CNTN4: variants seen among roughly 807,000 people sequenced by gnomAD.
The protein encoded by CNTN4 is contactin 4.
Under a neutral mutation model 122.5 loss-of-function variants are expected in CNTN4, and 77 were observed. The observed-to-expected ratio is 0.63, with a 90% confidence interval of 0.52 to 0.76. The LOEUF (loss-of-function observed/expected upper bound fraction) is 0.76, where lower values mean the gene tolerates loss of function less well. Ranked by LOEUF, CNTN4 falls within the 30% of genes least tolerant of loss-of-function variation. The pLI is 0.00. For missense variants in CNTN4, 1,256 were observed against 1,259.1 expected, an observed-to-expected ratio of 1.00 and a Z score of 0.04; for synonymous variants, 512 against 447.0, an observed-to-expected ratio of 1.15 and a Z score of -1.83.
Position 2,900,826 on chromosome 3 carries a change from G to A in CNTN4, c.1077+5G>A, listed in dbSNP as rs2094164817. 6.2e-7 allele frequency: 1 copy of A among 1,613,680 alleles called. No individual in the cohort carries two copies. The highest frequency in any genetic ancestry group is 1.3e-5 in the African/African-American group (1 of 74,918). The stretch of plus-strand genomic sequence containing the variant: ...GGCGAACCTCTGCTAACTCGGGTAA[G>A]CAAGTTAATGGTAATTGTGCCTTAG... On this transcript the variant is annotated splice_donor_5th_base_variant and intron_variant, in intron 11 of 24. Transcript: ENST00000418658.
intron 3 of CNTN4, among the ~76,000 whole-genome samples, chr3:2,452,673 C>A (rs1269448672): frequency 2.0e-5 from 3 of 152,146 alleles, no homozygotes; most frequent in South Asian, 2.1e-4. Context: ...GGCTTCTACC[C>A]TTTCGGAATC....
At chr3:2,328,631 C>T (rs934340389) in intron 2 of CNTN4, among the ~76,000 whole-genome samples, 29 of 150,920 alleles carry the variant, frequency 1.9e-4, no homozygotes, top group African/African-American at 6.1e-4. Flanking sequence ...TCCACATCTG[C>T]GGATTCAACC....
At chr3:2,231,805 C>T (rs539212517) in intron 2 of CNTN4, among the ~76,000 whole-genome samples, 5 of 152,208 alleles carry the variant, frequency 3.3e-5, no homozygotes, top group African/African-American at 7.2e-5. Context: ...TTGAAGTACT[C>T]TTCAATTTAT....
At chr3:2,386,994 A>G (rs1218451365) in intron 3 of CNTN4, among the ~76,000 whole-genome samples, 1 of 152,196 alleles carries the variant, frequency 6.6e-6, no homozygotes, top group Non-Finnish European at 1.5e-5. Flanking sequence ...CTTCAGGAAG[A>G]CTACCTAAAG....
At chr3:2,141,200 C>G (rs2034977040) in intron 2 of CNTN4, among the ~76,000 whole-genome samples, 1 of 152,130 alleles carries the variant, frequency 6.6e-6, no homozygotes, top group Non-Finnish European at 1.5e-5. Flanking sequence ...TCTCTAGAAC[C>G]TCTGAATATG....
At chr3:3,001,601 C>G (rs1033754578) in intron 14 of CNTN4, among the ~76,000 whole-genome samples, 1 of 152,154 alleles carries the variant, frequency 6.6e-6, no homozygotes, top group Non-Finnish European at 1.5e-5. Flanking sequence ...TGACCCCAGA[C>G]CTAATTATTC....
chr3:2,458,411 C>A (rs933202498), intron 3 of CNTN4, among the ~76,000 whole-genome samples: 1 of 152,010 alleles, frequency 6.6e-6, no homozygotes, highest in African/African-American at 2.4e-5. Flanking sequence ...TTACTTGTAT[C>A]TTTTTAAATA....
At chr3:2,504,656 T>C (rs1048151071) in intron 3 of CNTN4, among the ~76,000 whole-genome samples, 46 of 152,080 alleles carry the variant, frequency 3.0e-4, no homozygotes, top group African/African-American at 8.7e-4. Flanking sequence ...CAAATATTAT[T>C]GACAAGTTAC....
chr3:2,527,771 T>C (rs1273772060), intron 3 of CNTN4, among the ~76,000 whole-genome samples: 2 of 152,140 alleles, frequency 1.3e-5, no homozygotes, highest in Admixed American at 6.6e-5. Flanking sequence ...CTAGATGTCT[T>C]TCAGCCTTGC....
chr3:2,187,554 G>C (rs949243573), intron 2 of CNTN4, among the ~76,000 whole-genome samples: 1 of 152,132 alleles, frequency 6.6e-6, no homozygotes, highest in Non-Finnish European at 1.5e-5. Context: ...ATCAGCTGTT[G>C]TGTAACTTAT....
At chr3:2,906,240 G>C (rs887272664) in intron 12 of CNTN4, among the ~76,000 whole-genome samples, 2 of 151,974 alleles carry the variant, frequency 1.3e-5, no homozygotes, top group Admixed American at 1.3e-4. Context: ...CAGTTAGATG[G>C]GACAAATACA....
At chr3:2,677,483 T>TCC (rs1491086293) in intron 4 of CNTN4, among the ~76,000 whole-genome samples, 3,436 of 47,678 alleles carry the variant, frequency 0.072, 28 homozygotes, top group East Asian at 0.11. Flanking sequence ...TATCCATCTA[T>TCC]ATCTATCTAT....
At chr3:2,217,810 T>C (rs985406192) in intron 2 of CNTN4, among the ~76,000 whole-genome samples, 10 of 152,156 alleles carry the variant, frequency 6.6e-5, no homozygotes, top group Non-Finnish European at 1.5e-5. Flanking sequence ...CTATTAACTT[T>C]TTGCACCAGT....
At chr3:2,719,390 G>A (rs771904965) in intron 4 of CNTN4, among the ~76,000 whole-genome samples, 3 of 151,988 alleles carry the variant, frequency 2.0e-5, no homozygotes, top group East Asian at 1.9e-4. Flanking sequence ...CGCCTCCTGG[G>A]TTCAAGTGAT....
chr3:2,746,464 C>T (rs2089776515), intron 6 of CNTN4, among the ~76,000 whole-genome samples: 1 of 152,148 alleles, frequency 6.6e-6, no homozygotes, highest in Admixed American at 6.5e-5. Flanking sequence ...TAGGCAAGAG[C>T]AATTAGCATA....
chr3:2,347,410 CTTTTTTTTT>C (rs10664705), intron 3 of CNTN4, among the ~76,000 whole-genome samples: 2 of 113,162 alleles, frequency 1.8e-5, no homozygotes, highest in African/African-American at 6.7e-5. Context: ...GAAATACAAT[CTTTTTTTTT>C]TTTTTTTTTG....
At chr3:2,660,018 C>G (rs1339160190) in intron 4 of CNTN4, among the ~76,000 whole-genome samples, 1 of 152,148 alleles carries the variant, frequency 6.6e-6, no homozygotes, top group Non-Finnish European at 1.5e-5. Flanking sequence ...GCATGACGAT[C>G]TGATGCACAG....
chr3:3,051,550 A>T (rs986759509), intron 23 of CNTN4, among the ~76,000 whole-genome samples: 8 of 152,184 alleles, frequency 5.3e-5, no homozygotes, highest in African/African-American at 1.9e-4. Flanking sequence ...GCATCCCATC[A>T]GCCCATTCTC....
At chr3:2,284,021 T>G (rs1021076371) in intron 2 of CNTN4, among the ~76,000 whole-genome samples, 8 of 151,984 alleles carry the variant, frequency 5.3e-5, no homozygotes, top group African/African-American at 1.9e-4. Flanking sequence ...AATGCAAATG[T>G]GGGCTAAAAC....
Sources: allele counts gnomAD v4.1 joint callset (sites outside exome capture counted in the v4.1 genomes callset), GRCh38; gene constraint gnomAD v4.1.1; transcripts MANE v1.5; gene names NCBI Gene and HGNC (gene_info 2026-07-23, HGNC 2026-07-21).